C11orf65: variants seen among roughly 807,000 people sequenced by gnomAD.
C11orf65 encodes the protein chromosome 11 open reading frame 65, also known as protein MFI.
In C11orf65, 38 loss-of-function variants were observed where a neutral mutation model predicts 35.3. The observed-to-expected ratio is 1.08, with a 90% CI of 0.83 to 1.41. The LOEUF (loss-of-function observed/expected upper bound fraction) is 1.41, where lower values mean the gene tolerates loss of function less well. Ranked by LOEUF, C11orf65 falls within the 40% of genes most tolerant of loss-of-function variation. The probability of loss-of-function intolerance (pLI) is 0.00; values close to 1 mark genes in which losing one functional copy is unlikely to be tolerated. For synonymous variants in C11orf65, 105 were observed against 114.4 expected, an observed-to-expected ratio of 0.92 and a Z score of 0.53; for missense variants, 370 against 367.1, an observed-to-expected ratio of 1.01 and a Z score of -0.06.
chr11:108,408,855 C>T (rs1248562261), intron 3 of C11orf65, among the ~76,000 whole-genome samples: 1 of 151,844 alleles, frequency 6.6e-6, no homozygotes, highest in East Asian at 1.9e-4. Flanking sequence ...GTCTCCTGAT[C>T]ATATTAGGTT....
intron 2 of C11orf65, among the ~76,000 whole-genome samples, chr11:108,364,316 AT>A (rs944548834): frequency 3.8e-4 from 58 of 152,156 alleles, no homozygotes; most frequent in Middle Eastern, 3.4e-3. Flanking sequence ...GCTAAAGCCT[AT>A]TTTTTTTAAA....
intron 3 of C11orf65, among the ~76,000 whole-genome samples, chr11:108,408,622 G>A (rs2092590667): frequency 6.8e-6 from 1 of 148,094 alleles, no homozygotes; most frequent in African/African-American, 2.5e-5. Flanking sequence ...GCTTCAGTGA[G>A]CAGAGATTGC....
chr11:108,445,343 G>C lies in C11orf65; in HGVS notation c.82-13505C>G, dbSNP rs531882441. Among the ~76,000 whole-genome samples, 111 of 152,240 alleles carry C rather than the reference G, an allele frequency of 7.3e-4. 2 individuals carry two copies. Among genetic ancestry groups the C allele is most frequent in the Middle Eastern group, 3.4e-3 (1 of 294 alleles). On this transcript the variant is annotated intron_variant, in intron 2 of 8. Transcript: ENST00000393084. The stretch of plus-strand genomic sequence containing the variant: ...CCCTGACCCCCGAGCAGCCTAACTG[G>C]GAGGCACCCCCCAGTAAGGGCAGAC...
chr11:108,462,682 G>A lies in C11orf65; in HGVS notation c.-9-1114C>T, dbSNP rs1591624467. Reference sequence around the variant, plus strand: ...TAAAAGGAAAAAAAGGTCATGCACTGAATACAGGGAGAAACATGGATTTTT... The same window carrying A: ...TAAAAGGAAAAAAAGGTCATGCACTAAATACAGGGAGAAACATGGATTTTT... On this transcript the variant is annotated intron_variant, in intron 1 of 8. Coordinates refer to ENST00000393084, the MANE Select transcript of C11orf65 (RefSeq NM_152587.5). 2.0e-5 allele frequency: 3 copies of A among 152,304 alleles called. No individual in the cohort carries two copies. In the East Asian group the frequency reaches 5.8e-4, roughly 29 times the overall value. The allele number at this position is 152,304 out of a possible 1,614,324, so 9.4% of individuals were successfully genotyped here. A position where few individuals can be genotyped will look rare whatever the true frequency, so the allele number is the denominator to read the frequency against.
At chr11:108,367,209 G>A (rs1252352162) in intron 2 of C11orf65, 5 of 178,126 alleles carry the variant, frequency 2.8e-5, no homozygotes, top group South Asian at 2.0e-4. Context: ...GGATGGTCTC[G>A]ATCGCTTGAC....
chr11:108,404,585 T>TC (rs1491030621), intron 6 of C11orf65, among the ~76,000 whole-genome samples: 3 of 87,648 alleles, frequency 3.4e-5, no homozygotes, highest in African/African-American at 1.0e-4. Flanking sequence ...TTTTTTCTTT[T>TC]CTTTTTTTTT....
At chr11:108,374,123 T>G (rs890404048) in intron 2 of C11orf65, among the ~76,000 whole-genome samples, 1 of 152,202 alleles carries the variant, frequency 6.6e-6, no homozygotes, top group East Asian at 1.9e-4. Context: ...CTGACAGCTT[T>G]GAGGAGAGCA....
intron 2 of C11orf65, among the ~76,000 whole-genome samples, chr11:108,342,552 A>AG (rs1347653415): frequency 1.3e-5 from 2 of 152,194 alleles, no homozygotes; most frequent in African/African-American, 2.4e-5. Flanking sequence ...GGAGGGACTT[A>AG]GGGTCAGTGA....
intron 2 of C11orf65, among the ~76,000 whole-genome samples, chr11:108,438,256 G>A (rs2093095285): frequency 6.6e-6 from 1 of 152,104 alleles, no homozygotes; most frequent in African/African-American, 2.4e-5. Context: ...AAATCAAAAT[G>A]GATCAAAGAT....
intron 2 of C11orf65, among the ~76,000 whole-genome samples, chr11:108,339,967 C>T (rs1448302310): frequency 2.0e-5 from 3 of 152,170 alleles, no homozygotes; most frequent in Non-Finnish European, 4.4e-5. Flanking sequence ...AATTTATATA[C>T]CTACGTTGGG....
intron 3 of C11orf65, chr11:108,333,013 A>G: frequency 1.5e-6 from 2 of 1,343,428 alleles, no homozygotes; most frequent in Non-Finnish European, 2.1e-6. Context: ...AACGTAATCC[A>G]AAAGCTTAAT....
rs756899044 is a variant in C11orf65, at chr11:108,353,831, G to C, written c.227-18539C>G. On this transcript the variant is annotated intron_variant, in intron 2 of 3. Transcript: ENST00000524755. The stretch of plus-strand genomic sequence containing the variant: ...GACAGTTCCTTTTAGACTCACCAGA[G>C]ATATTGTGGATGGCATGGGCATTAC... 6 of 1,614,094 alleles carry C rather than the reference G, an allele frequency of 3.7e-6. No individual in the cohort carries two copies. The highest frequency in any genetic ancestry group is 5.1e-6 in the Non-Finnish European group (6 of 1,180,000).
chr11:108,347,160 T>G (rs1396023107), intron 2 of C11orf65: 1 of 834,448 alleles, frequency 1.2e-6, no homozygotes, highest in African/African-American at 1.7e-5. Context: ...TTAAGTAGGC[T>G]AAAAATCCTA....
At chr11:108,419,315 T>C (rs182865551) in intron 3 of C11orf65, among the ~76,000 whole-genome samples, 1 of 152,238 alleles carries the variant, frequency 6.6e-6, no homozygotes, top group East Asian at 1.9e-4. Flanking sequence ...CGATTTAACA[T>C]TCAAACAAAA....
At chr11:108,403,817 A>C (rs191132180) in intron 6 of C11orf65, among the ~76,000 whole-genome samples, 13 of 152,190 alleles carry the variant, frequency 8.5e-5, no homozygotes. Flanking sequence ...ATGGGGGTTT[A>C]TTTATTTATT....
intron 6 of C11orf65, among the ~76,000 whole-genome samples, chr11:108,396,647 C>T (rs1259276895): frequency 4.0e-5 from 6 of 149,538 alleles, no homozygotes; most frequent in Non-Finnish European, 8.9e-5. Flanking sequence ...CTGGCTAACA[C>T]AGTGAAATTC....
intron 2 of C11orf65, chr11:108,354,987 TGGCTGGGCAGCAGAAA>T: frequency 1.1e-6 from 1 of 919,492 alleles, no homozygotes; most frequent in Non-Finnish European, 1.8e-6. Flanking sequence ...TAGGGGGATG[TGGCTGGGCAGCAGAAA>T]GGAGGAGATT....
rs768300248 is a variant in C11orf65 at position 108,423,433 on chromosome 11, T to A, written c.174+8313A>T. Among the ~76,000 whole-genome samples, 7 of 152,130 alleles carry A rather than the reference T, an allele frequency of 4.6e-5. 1 individual carries two copies. Among genetic ancestry groups the A allele is most frequent in the Middle Eastern group, 3.2e-3 (1 of 316 alleles). Reference sequence around the variant, plus strand: ...TGCAATTACTGAGGCTAGAGTAGGCTGTTTTCCCCTCACAGAGCACCTGGG... The same window carrying A: ...TGCAATTACTGAGGCTAGAGTAGGCAGTTTTCCCCTCACAGAGCACCTGGG... On this transcript the variant is annotated intron_variant, in intron 3 of 8. Coordinates refer to ENST00000393084, the MANE Select transcript of C11orf65 (RefSeq NM_152587.5).
At chr11:108,390,254 G>A (rs911688389) in intron 7 of C11orf65, among the ~76,000 whole-genome samples, 3 of 151,974 alleles carry the variant, frequency 2.0e-5, no homozygotes, top group South Asian at 2.1e-4. Context: ...TCGATCTCCC[G>A]ACCTCATGAT....
Sources: allele counts gnomAD v4.1 joint callset (sites outside exome capture counted in the v4.1 genomes callset), GRCh38; gene constraint gnomAD v4.1.1; transcripts MANE v1.5; gene names NCBI Gene and HGNC (gene_info 2026-07-23, HGNC 2026-07-21).